Variants in MBD5 observed in about 807,000 individuals in gnomAD.
The protein encoded by MBD5 is methyl-CpG-binding domain protein 5.
MBD5 carries 13 observed loss-of-function variants against 117.3 expected under a neutral mutation model. The ratio of observed to expected loss-of-function variants is 0.11; its 90% confidence interval spans 0.07 to 0.18. The LOEUF is 0.18. Ranked by LOEUF, MBD5 falls within the 10% of genes least tolerant of loss-of-function variation. MBD5 has a pLI of 1.00. For missense variants in MBD5, 1,879 were observed against 2,093.8 expected, an observed-to-expected ratio of 0.90 and a Z score of 2.00; for synonymous variants, 727 against 766.4, an observed-to-expected ratio of 0.95 and a Z score of 0.85.
intron 2 of MBD5, among the ~76,000 whole-genome samples, chr2:148,202,246 A>G (rs148070369): frequency 0.014 from 2,173 of 152,338 alleles, 26 homozygotes; most frequent in Middle Eastern, 0.034. Context: ...AGAGAAAAAT[A>G]AAGCATGGTA....
intron 1 of MBD5, among the ~76,000 whole-genome samples, chr2:148,144,366 G>C (rs935057457): frequency 1.4e-4 from 21 of 151,998 alleles, no homozygotes; most frequent in African/African-American, 4.6e-4. Flanking sequence ...CAGATGAGTA[G>C]ATTGCAAAAA....
At chr2:148,069,601 C>A (rs145574947) in intron 1 of MBD5, among the ~76,000 whole-genome samples, 138 of 152,036 alleles carry the variant, frequency 9.1e-4, no homozygotes, top group South Asian at 1.5e-3. Flanking sequence ...GGAACTAGAG[C>A]AGGCAGTTTT....
chr2:148,072,034 T>A (rs1284639741), intron 1 of MBD5: 2 of 152,164 alleles, frequency 1.3e-5, no homozygotes, highest in Non-Finnish European at 2.9e-5. Flanking sequence ...CTAGAGGAAA[T>A]CATAGCTAAA....
intron 1 of MBD5, among the ~76,000 whole-genome samples, chr2:148,110,847 T>C (rs922975397): frequency 6.6e-6 from 1 of 152,020 alleles, no homozygotes; most frequent in Non-Finnish European, 1.5e-5. Context: ...CTTTGTCTTC[T>C]AACCCTCTTT....
chr2:148,178,767 A>G lies in MBD5; in HGVS notation c.-857A>G. The G allele has an allele frequency of 2.5e-6, 1 of 398,536 alleles. No individual in the cohort carries two copies. The highest frequency in any genetic ancestry group is 4.4e-6 in the Non-Finnish European group (1 of 225,792). The allele number at this position is 398,536 out of a possible 1,614,324, so 24.7% of individuals were successfully genotyped here. A position where few individuals can be genotyped will look rare whatever the true frequency, so the allele number is the denominator to read the frequency against. ...ATTGAAGGCTTTATGGTTTACAGAC[A>G]AGATCTTTAGAAGATAAGCACTAAA... is the stretch of plus-strand genomic sequence containing the variant. On this transcript the variant is annotated 5_prime_UTR_variant, in exon 2 of 14. Transcript: ENST00000642680.
At chr2:148,382,343 C>G (rs756267283) in intron 4 of MBD5, among the ~76,000 whole-genome samples, 2 of 152,040 alleles carry the variant, frequency 1.3e-5, no homozygotes, top group Non-Finnish European at 2.9e-5. Flanking sequence ...CAACAAAGAT[C>G]AAAAGAGACA....
chr2:148,453,783 G>A (rs1383164846), intron 4 of MBD5, among the ~76,000 whole-genome samples: 1 of 151,816 alleles, frequency 6.6e-6, no homozygotes, highest in Non-Finnish European at 1.5e-5. Flanking sequence ...TATATAGAAG[G>A]TGAAGTTATC....
intron 11 of MBD5, among the ~76,000 whole-genome samples, chr2:148,493,963 A>G (rs1681610213): frequency 6.6e-6 from 1 of 152,162 alleles, no homozygotes; most frequent in African/African-American, 2.4e-5. Flanking sequence ...AATCTCCTAG[A>G]AGCTGCAGGC....
chr2:148,079,899 CAACAAA>C (rs1259220104), intron 1 of MBD5, among the ~76,000 whole-genome samples: 2 of 147,000 alleles, frequency 1.4e-5, no homozygotes, highest in African/African-American at 5.3e-5. Flanking sequence ...ACAACAACAA[CAACAAA>C]AACTTGCTTT....
chr2:148,476,207 G>A (rs1178925366), intron 8 of MBD5, among the ~76,000 whole-genome samples: 1 of 49,322 alleles, frequency 2.0e-5, no homozygotes. Flanking sequence ...AATGTAGCCT[G>A]ATAAATATGC....
At chr2:148,077,492 A>G (rs1020472202) in intron 1 of MBD5, among the ~76,000 whole-genome samples, 1 of 152,176 alleles carries the variant, frequency 6.6e-6, no homozygotes, top group Non-Finnish European at 1.5e-5. Context: ...CAGAGAATGG[A>G]AGTACATAGA....
At chr2:148,309,683 G>A (rs944205937) in intron 3 of MBD5, among the ~76,000 whole-genome samples, 12 of 151,992 alleles carry the variant, frequency 7.9e-5, no homozygotes, top group African/African-American at 1.9e-4. Flanking sequence ...ATACTATATC[G>A]AATTCAAATT....
At chr2:148,395,878 T>G (rs1461188272) in intron 4 of MBD5, among the ~76,000 whole-genome samples, 1 of 152,212 alleles carries the variant, frequency 6.6e-6, no homozygotes, top group Non-Finnish European at 1.5e-5. Context: ...CCTCATGATG[T>G]GAACAGGCTC....
At chr2:148,299,253 G>C (rs1701726609) in intron 3 of MBD5, among the ~76,000 whole-genome samples, 3 of 151,866 alleles carry the variant, frequency 2.0e-5, no homozygotes, top group Non-Finnish European at 4.4e-5. Flanking sequence ...TCAGGCTCCT[G>C]AGTAGCTGGG....
At chr2:148,382,410 C>G (rs1316583654) in intron 4 of MBD5, among the ~76,000 whole-genome samples, 1 of 152,150 alleles carries the variant, frequency 6.6e-6, no homozygotes, top group Non-Finnish European at 1.5e-5. Context: ...ACTAACTATG[C>G]TAAATATATA....
intron 4 of MBD5, among the ~76,000 whole-genome samples, chr2:148,410,708 A>G (rs1705222740): frequency 2.6e-5 from 4 of 152,190 alleles, no homozygotes; most frequent in Admixed American, 2.6e-4. Flanking sequence ...CTGGTATTAC[A>G]GGCAGTGCTG....
intron 2 of MBD5, among the ~76,000 whole-genome samples, chr2:148,194,527 G>A (rs1459129637): frequency 2.0e-4 from 15 of 73,684 alleles, no homozygotes; most frequent in African/African-American, 5.4e-4. Context: ...ACCAAACACC[G>A]CATATTCTCA....
intron 2 of MBD5, among the ~76,000 whole-genome samples, chr2:148,209,832 G>A (rs1574140166): frequency 6.6e-6 from 1 of 152,072 alleles, no homozygotes; most frequent in East Asian, 1.9e-4. Context: ...TATTTCACAT[G>A]AACTCAGAGT....
At chr2:148,233,575 A>G (rs953663126) in intron 3 of MBD5, among the ~76,000 whole-genome samples, 180 bp downstream of exon 3, 1 of 152,136 alleles carries the variant, frequency 6.6e-6, no homozygotes, top group South Asian at 2.1e-4. Flanking sequence ...GTCAAAAATT[A>G]CATTAAGATG....
Sources: gnomAD v4.1 joint callset for allele counts (sites outside exome capture counted in the v4.1 genomes callset) on GRCh38, gnomAD v4.1.1 for gene constraint, MANE v1.5 for transcripts, NCBI Gene and HGNC (gene_info 2026-07-23, HGNC 2026-07-21) for gene names.